The following IL23R variants were observed in gnomAD, a reference collection of about 807,000 sequenced individuals.
IL23R encodes the protein interleukin 23 receptor, also known as interleukin-23 receptor.
A neutral mutation model predicts 56.9 loss-of-function variants in IL23R; 34 were observed. The observed-to-expected ratio is 0.60, with a 90% confidence interval of 0.45 to 0.80. The LOEUF (loss-of-function observed/expected upper bound fraction) is 0.80, where lower values mean the gene tolerates loss of function less well. Among genes scored for constraint, IL23R ranks in the 30% least tolerant of loss-of-function variants. The probability of loss-of-function intolerance (pLI) is 0.00; values close to 1 mark genes in which losing one functional copy is unlikely to be tolerated. For missense variants in IL23R, 635 were observed against 730.0 expected, an observed-to-expected ratio of 0.87 and a Z score of 1.50; for synonymous variants, 230 against 249.2, an observed-to-expected ratio of 0.92 and a Z score of 0.73.
chr1:67,235,286 CTT>C (rs1429285287), intron 7 of IL23R, among the ~76,000 whole-genome samples: 1 of 152,184 alleles, frequency 6.6e-6, no homozygotes, highest in Non-Finnish European at 1.5e-5. Flanking sequence ...CGGGAAATAA[CTT>C]TTGGCTTTTC....
chr1:67,263,420 A>G (rs1168433164), downstream of IL23R, among the ~76,000 whole-genome samples: 1 of 152,062 alleles, frequency 6.6e-6, no homozygotes, highest in Admixed American at 6.6e-5. Flanking sequence ...TATAAATAGT[A>G]TTGAAGAGAG....
In IL23R at chr1:67,248,665, T is replaced by A. The variant is rs1023308328; in HGVS notation, c.1149-7172T>A. ...GTTTTGTTCCCTTGCTGGCGAGGAGTTGTGATCCTTTGGAGGGGAAGAGGC... is the reference window on the plus strand; with the variant it reads ...GTTTTGTTCCCTTGCTGGCGAGGAGATGTGATCCTTTGGAGGGGAAGAGGC... On this transcript the variant is annotated intron_variant, in intron 9 of 10. Transcript: ENST00000347310. Among the ~76,000 whole-genome samples, 16 of 152,106 alleles carry A rather than the reference T, an allele frequency of 1.1e-4. 1 individual carries two copies. The highest frequency in any genetic ancestry group is 3.9e-4 in the African/African-American group (16 of 41,494).
chr1:67,180,497 T>A (rs1419058860), intron 3 of IL23R, among the ~76,000 whole-genome samples: 5 of 152,166 alleles, frequency 3.3e-5, no homozygotes, highest in Non-Finnish European at 7.4e-5. Context: ...TCCCTTTATT[T>A]TGAGCCTATG....
At chr1:67,211,510 C>G (rs570947413) in intron 6 of IL23R, among the ~76,000 whole-genome samples, 2 of 152,108 alleles carry the variant, frequency 1.3e-5, no homozygotes, top group African/African-American at 4.8e-5. Flanking sequence ...GTAATCCCAG[C>G]TACTCAGAAG....
At chr1:67,147,845 T>G (rs1355981550) in intron 1 of IL23R, among the ~76,000 whole-genome samples, 1 of 152,234 alleles carries the variant, frequency 6.6e-6, no homozygotes, top group African/African-American at 2.4e-5. Flanking sequence ...TACCTATTAC[T>G]TTGTTTACCC....
At chr1:67,205,905 TTCTTTCTTTCTTTC>T (rs1241629729) in intron 5 of IL23R, among the ~76,000 whole-genome samples, 1 of 124,150 alleles carries the variant, frequency 8.1e-6, no homozygotes, top group East Asian at 2.4e-4. Flanking sequence ...CTTTCTTTCT[TTCTTTCTTTCTTTC>T]TTTCTTTTTC....
At chr1:67,222,085 T>C (rs925182901) in intron 7 of IL23R, among the ~76,000 whole-genome samples, 2 of 136,744 alleles carry the variant, frequency 1.5e-5, no homozygotes, top group African/African-American at 6.0e-5. Flanking sequence ...AATCCTTTTC[T>C]CTTTCTTTCT....
intron 4 of IL23R, among the ~76,000 whole-genome samples, chr1:67,193,095 C>T (rs192900676): frequency 4.6e-5 from 7 of 152,286 alleles, no homozygotes; most frequent in Admixed American, 4.6e-4. Flanking sequence ...GCTCTTTGAA[C>T]AGGCCAAGCA....
At chr1:67,262,836 A>G (rs76083397), downstream of IL23R, among the ~76,000 whole-genome samples, 17,947 of 152,208 alleles carry the variant, frequency 0.12, 1,591 homozygotes, top group Admixed American at 0.27. Context: ...CAAGGTATCA[A>G]TCAGAGGGAG....
chr1:67,163,339 GGT>G (rs1173100587), upstream of IL23R, among the ~76,000 whole-genome samples: 1 of 151,086 alleles, frequency 6.6e-6, no homozygotes, highest in East Asian at 1.9e-4. Flanking sequence ...CGTGTTGGCA[GGT>G]GTGTGTAGTC....
At chr1:67,254,778 T>TACA (rs774918045) in intron 9 of IL23R, among the ~76,000 whole-genome samples, 26 of 152,242 alleles carry the variant, frequency 1.7e-4, no homozygotes, top group Non-Finnish European at 3.4e-4. Flanking sequence ...AAGTTCTTGG[T>TACA]ACAACCTTTC....
intron 1 of IL23R, among the ~76,000 whole-genome samples, chr1:67,142,065 A>G (rs570315733): frequency 6.6e-6 from 1 of 152,348 alleles, no homozygotes; most frequent in African/African-American, 2.4e-5. Context: ...AGTCTTCACG[A>G]TGGCTGGGAA....
chr1:67,244,051 T>C (rs1057015666), intron 9 of IL23R, among the ~76,000 whole-genome samples: 1 of 152,240 alleles, frequency 6.6e-6, no homozygotes, highest in African/African-American at 2.4e-5. Context: ...TGCATTTCTC[T>C]AATGACTAGT....
intron 7 of IL23R, among the ~76,000 whole-genome samples, chr1:67,228,562 A>G (rs541288612): frequency 1.3e-5 from 2 of 151,974 alleles, no homozygotes; most frequent in Non-Finnish European, 2.9e-5. Flanking sequence ...ACTGTCACAA[A>G]TCATCACAAA....
intron 1 of IL23R, among the ~76,000 whole-genome samples, chr1:67,148,007 G>A (rs1021360567): frequency 1.3e-5 from 2 of 152,318 alleles, no homozygotes; most frequent in East Asian, 3.9e-4. Flanking sequence ...TGTGGTGAGT[G>A]TTATAGCTCT....
chr1:67,220,178 G>A (rs561030553), intron 7 of IL23R, among the ~76,000 whole-genome samples: 38 of 151,940 alleles, frequency 2.5e-4, no homozygotes, highest in Non-Finnish European at 4.7e-4. Context: ...AGACCTCCTC[G>A]GCCGACATGG....
chr1:67,191,432 T>C lies in IL23R; in HGVS notation c.491+8473T>C, dbSNP rs140870979. 5.8e-3 allele frequency among the ~76,000 whole-genome samples: 876 copies of C among 152,336 alleles called. 25 individuals carry two copies. The highest frequency in any genetic ancestry group is 0.033 in the East Asian group (171 of 5,182). On this transcript the variant is annotated intron_variant, in intron 4 of 10. Transcript: ENST00000347310. ...CTTGGGTACTAGATCTTATCCTGCC[T>C]GCCTACTGGAGGACACTGCTCCAAA... is the stretch of plus-strand genomic sequence containing the variant.
intron 7 of IL23R, among the ~76,000 whole-genome samples, chr1:67,225,518 C>CTTT (rs34530155): frequency 6.9e-6 from 1 of 145,634 alleles, no homozygotes. Flanking sequence ...TGCTTGGGCA[C>CTTT]TTTTTTTTTT....
intron 7 of IL23R, among the ~76,000 whole-genome samples, chr1:67,225,791 C>T (rs989173888): frequency 1.4e-4 from 22 of 152,044 alleles, no homozygotes; most frequent in Middle Eastern, 3.2e-3. Flanking sequence ...ATTACAAGCA[C>T]GAGCCACTGT....
Sources: allele counts gnomAD v4.1 joint callset (sites outside exome capture counted in the v4.1 genomes callset), GRCh38; gene constraint gnomAD v4.1.1; transcripts MANE v1.5; gene names NCBI Gene and HGNC (gene_info 2026-07-23, HGNC 2026-07-21).